Variants in THSD4 observed in about 807,000 individuals in gnomAD.
The protein encoded by THSD4 is thrombospondin type 1 domain containing 4, also known as thrombospondin type-1 domain-containing protein 4.
In THSD4, 69 loss-of-function variants were observed where a neutral mutation model predicts 119.0. The observed-to-expected ratio is 0.58, with a 90% CI of 0.48 to 0.71. The LOEUF (loss-of-function observed/expected upper bound fraction) is 0.71. Among genes scored for constraint, THSD4 ranks in the 30% least tolerant of loss-of-function variants. The probability of loss-of-function intolerance (pLI) is 0.00; values close to 1 mark genes in which losing one functional copy is unlikely to be tolerated. For synonymous variants in THSD4, 524 were observed against 540.4 expected, an observed-to-expected ratio of 0.97 and a Z score of 0.42; for missense variants, 1,393 against 1,391.1, an observed-to-expected ratio of 1.00 and a Z score of -0.02.
chr15:71,689,535 A>G (rs573247312), intron 8 of THSD4, among the ~76,000 whole-genome samples: 2 of 152,198 alleles, frequency 1.3e-5, no homozygotes, highest in African/African-American at 4.8e-5. Context: ...TGCTGTCATA[A>G]AATCAGTAAC....
At chr15:71,316,512 A>G (rs775638701) in intron 6 of THSD4, among the ~76,000 whole-genome samples, 33 of 151,930 alleles carry the variant, frequency 2.2e-4, no homozygotes, top group Non-Finnish European at 2.6e-4. Context: ...AGTGATACAA[A>G]ATTGTCACTC....
chr15:71,225,328 C>G (rs1263600957), intron 4 of THSD4, among the ~76,000 whole-genome samples: 1 of 151,978 alleles, frequency 6.6e-6, no homozygotes, highest in Non-Finnish European at 1.5e-5. Context: ...TGCTTTGATC[C>G]TGGACAAGTC....
intron 1 of THSD4, among the ~76,000 whole-genome samples, chr15:71,125,574 T>C (rs1596210917): frequency 6.6e-6 from 1 of 152,246 alleles, no homozygotes; most frequent in East Asian, 1.9e-4. Flanking sequence ...CAGCTTTCCC[T>C]TACTGGAGAA....
At chr15:71,247,458 T>G (rs913215163) in intron 5 of THSD4, among the ~76,000 whole-genome samples, 1 of 152,194 alleles carries the variant, frequency 6.6e-6, no homozygotes. Context: ...TAAAAAGGCA[T>G]TAACAGTGCA....
chr15:71,737,156 T>G (rs529499727), intron 10 of THSD4, among the ~76,000 whole-genome samples: 1 of 152,362 alleles, frequency 6.6e-6, no homozygotes, highest in South Asian at 2.1e-4. Flanking sequence ...TAACCATACC[T>G]GTATATTCAG....
chr15:71,532,279 AGAGAGTGTGTGTGTGTGT>A (rs1567023882), intron 7 of THSD4, among the ~76,000 whole-genome samples: 2 of 119,994 alleles, frequency 1.7e-5, no homozygotes, highest in East Asian at 2.5e-4. Context: ...AGAGAGAGAG[AGAGAGTGTGTGTGTGTGT>A]GTGTGTGTGT....
chr15:71,409,630 G>C (rs1027028844), intron 6 of THSD4, among the ~76,000 whole-genome samples: 17 of 152,198 alleles, frequency 1.1e-4, no homozygotes, highest in African/African-American at 3.9e-4. Context: ...ATAGAGCTCA[G>C]AGTATCTAGA....
At chr15:71,681,765 G>A (rs934405147) in intron 8 of THSD4, among the ~76,000 whole-genome samples, 2 of 152,024 alleles carry the variant, frequency 1.3e-5, no homozygotes, top group Admixed American at 6.6e-5. Flanking sequence ...GTTGTATCCA[G>A]TAAATATGGT....
chr15:71,680,339 A>G (rs1221424956), intron 8 of THSD4, among the ~76,000 whole-genome samples: 1 of 152,198 alleles, frequency 6.6e-6, no homozygotes, highest in African/African-American at 2.4e-5. Context: ...GGCAGCATAG[A>G]TCCTGTCCTA....
At chr15:71,187,900 A>C (rs1425335436) in intron 3 of THSD4, among the ~76,000 whole-genome samples, 1 of 152,188 alleles carries the variant, frequency 6.6e-6, no homozygotes, top group African/African-American at 2.4e-5. Context: ...TATAAGGCCC[A>C]GGTGCTGAGA....
At chr15:71,563,491 C>G (rs1476873895) in intron 7 of THSD4, among the ~76,000 whole-genome samples, 1 of 152,152 alleles carries the variant, frequency 6.6e-6, no homozygotes, top group Non-Finnish European at 1.5e-5. Context: ...AATTATGAAG[C>G]ATTTTGATAA....
chr15:71,207,192 C>A (rs976783664), intron 3 of THSD4, among the ~76,000 whole-genome samples: 1 of 152,164 alleles, frequency 6.6e-6, no homozygotes, highest in Non-Finnish European at 1.5e-5. Context: ...AAATAAACCC[C>A]ATCCACAATT....
intron 6 of THSD4, among the ~76,000 whole-genome samples, chr15:71,340,141 A>G (rs1283675588): frequency 1.3e-5 from 2 of 152,142 alleles, no homozygotes; most frequent in African/African-American, 2.4e-5. Flanking sequence ...CTTAATCAGT[A>G]GATGTTTGCA....
intron 6 of THSD4, among the ~76,000 whole-genome samples, chr15:71,264,710 G>C (rs561729014): frequency 2.6e-5 from 4 of 152,146 alleles, no homozygotes; most frequent in Non-Finnish European, 5.9e-5. Context: ...CAGGAAATGA[G>C]CTTTGGAGTA....
intron 7 of THSD4, among the ~76,000 whole-genome samples, chr15:71,577,705 A>ATTTT (rs1397244870): frequency 4.9e-4 from 5 of 10,178 alleles, no homozygotes; most frequent in South Asian, 8.8e-3. Context: ...TGCAACCTTT[A>ATTTT]TTTATTTATT....
intron 7 of THSD4, among the ~76,000 whole-genome samples, chr15:71,637,782 A>G (rs1047746276): frequency 2.6e-5 from 4 of 151,724 alleles, no homozygotes; most frequent in Admixed American, 6.6e-5. Context: ...CTGGAGTGCA[A>G]TGGTGTGACC....
intron 7 of THSD4, among the ~76,000 whole-genome samples, chr15:71,512,249 G>A (rs1477698715): frequency 1.3e-5 from 2 of 152,248 alleles, no homozygotes; most frequent in Non-Finnish European, 2.9e-5. Flanking sequence ...TGTGAAATAC[G>A]AAACCTCCAG....
intron 6 of THSD4, among the ~76,000 whole-genome samples, chr15:71,407,470 C>T: frequency 6.6e-6 from 1 of 152,134 alleles, no homozygotes; most frequent in East Asian, 1.9e-4. Context: ...ACTATTATAT[C>T]AATGGCTTTT....
At position 71,282,081 on chromosome 15, in the gene THSD4, A is replaced by G. The variant is rs143451493; in HGVS notation, c.1015+25366A>G. Reference sequence around the variant, plus strand: ...ACACCTGACACCTGGTATGGGCTCAATAAATGTTAGCTATTATTACTATTT... The same window carrying G: ...ACACCTGACACCTGGTATGGGCTCAGTAAATGTTAGCTATTATTACTATTT... On this transcript the variant is annotated intron_variant, in intron 6 of 17. Transcript: ENST00000261862. Among the ~76,000 whole-genome samples, 453 of 152,352 alleles carry G rather than the reference A, an allele frequency of 3.0e-3. 2 individuals carry two copies. Among genetic ancestry groups the G allele is most frequent in the African/African-American group, 0.01 (430 of 41,582 alleles).
Sources: allele counts gnomAD v4.1 joint callset (sites outside exome capture counted in the v4.1 genomes callset), GRCh38; gene constraint gnomAD v4.1.1; transcripts MANE v1.5; gene names NCBI Gene and HGNC (gene_info 2026-07-23, HGNC 2026-07-21).